DGKB: variants seen among roughly 807,000 people sequenced by gnomAD.
DGKB encodes 90 kDa diacylglycerol kinase.
In DGKB, 67 loss-of-function variants were observed where a neutral mutation model predicts 114.3. That is an observed-to-expected ratio of 0.59 (90% CI 0.48 to 0.72). DGKB has a LOEUF of 0.72. Ranked by LOEUF, DGKB falls within the 30% of genes least tolerant of loss-of-function variation. The pLI is 0.00. For missense variants in DGKB, 907 were observed against 975.2 expected (o/e 0.93, Z 0.93); for synonymous variants, 398 against 323.1 (o/e 1.23, Z -2.49).
chr7:14,573,926 C>T (rs913260140), intron 20 of DGKB, among the ~76,000 whole-genome samples: 1 of 151,994 alleles, frequency 6.6e-6, no homozygotes, highest in Non-Finnish European at 1.5e-5. Flanking sequence ...TCATTCTAAG[C>T]TTCATTTTAG....
chr7:14,337,550 T>G (rs549639183), intron 23 of DGKB, among the ~76,000 whole-genome samples: 1 of 152,222 alleles, frequency 6.6e-6, no homozygotes, highest in East Asian at 1.9e-4. Flanking sequence ...TACTGAAACT[T>G]GAACCAGGTA....
At chr7:14,513,596 C>T (rs1031520617) in intron 20 of DGKB, among the ~76,000 whole-genome samples, 3 of 152,028 alleles carry the variant, frequency 2.0e-5, no homozygotes, top group African/African-American at 7.2e-5. Flanking sequence ...TTTTTTAATA[C>T]ATCTATTGCA....
chr7:14,273,735 A>G (rs922119753), intron 23 of DGKB, among the ~76,000 whole-genome samples: 2 of 152,206 alleles, frequency 1.3e-5, no homozygotes, highest in South Asian at 4.1e-4. Context: ...GGTGTCTTCT[A>G]AAACTATACA....
At chr7:14,929,334 A>G (rs1369489051) in intron 1 of DGKB, among the ~76,000 whole-genome samples, 1 of 152,210 alleles carries the variant, frequency 6.6e-6, no homozygotes, top group South Asian at 2.1e-4. Flanking sequence ...GTTGTACTAA[A>G]GTACTTTCCC....
intron 1 of DGKB, among the ~76,000 whole-genome samples, chr7:14,919,095 A>ACACAC (rs1554345122): frequency 5.2e-5 from 6 of 114,916 alleles, no homozygotes; most frequent in East Asian, 6.3e-4. Context: ...CACACACACA[A>ACACAC]ACACACACAC....
chr7:14,154,079 T>C (rs1782612323), intron 25 of DGKB, among the ~76,000 whole-genome samples: 1 of 151,334 alleles, frequency 6.6e-6, no homozygotes, highest in Non-Finnish European at 1.5e-5. Flanking sequence ...GGATGACAGA[T>C]TTGCAAGAGA....
At chr7:14,280,046 A>T (rs4721318) in intron 23 of DGKB, among the ~76,000 whole-genome samples, 115,184 of 151,834 alleles carry the variant, frequency 0.76, 44,731 homozygotes, top group South Asian at 0.86. Flanking sequence ...AAGGCTTCAG[A>T]CGATCAAATT....
At chr7:14,797,062 T>C (rs1384244515) in intron 2 of DGKB, among the ~76,000 whole-genome samples, 1 of 152,220 alleles carries the variant, frequency 6.6e-6, no homozygotes, top group Non-Finnish European at 1.5e-5. Flanking sequence ...TGCTTACAAG[T>C]GCAACTTGAC....
At chr7:14,751,760 C>T (rs1351007026) in intron 4 of DGKB, among the ~76,000 whole-genome samples, 1 of 152,158 alleles carries the variant, frequency 6.6e-6, no homozygotes, top group East Asian at 1.9e-4. Flanking sequence ...ATGCAGAAGA[C>T]ATCAGAGTTA....
chr7:14,613,367 G>A lies in DGKB; in HGVS notation c.1331C>T (p.Pro444Leu). ...TTCTCCTTGTTTTCCACCACTTTTG[G>A]GGTTCACAAAAACTAAAAGTGGGTG... ...GTHPLLVFVN[P>L]KSGGKQGERI... Residue 444 changes from proline to leucine, a missense_variant, in exon 16 of 26, where the codon CCC becomes CTC. Physicochemically the swap from Pro to Leu is moderately conservative, Grantham distance 98. Coordinates refer to ENST00000402815, the MANE Select transcript of DGKB (RefSeq NM_001350709.2). 6.4e-7 allele frequency: 1 copy of A among 1,570,570 alleles called. No homozygotes were observed. Among genetic ancestry groups the A allele is most frequent in the Non-Finnish European group, 8.6e-7 (1 of 1,156,144 alleles).
At chr7:14,915,990 A>G (rs2128245286) in intron 1 of DGKB, among the ~76,000 whole-genome samples, 1 of 152,256 alleles carries the variant, frequency 6.6e-6, no homozygotes, top group African/African-American at 2.4e-5. Context: ...CATAATAAGA[A>G]TAATGTATGG....
chr7:14,696,041 C>T (rs1246400951), intron 8 of DGKB, among the ~76,000 whole-genome samples: 1 of 152,110 alleles, frequency 6.6e-6, no homozygotes, highest in Admixed American at 6.5e-5. Context: ...AATAATCTGA[C>T]AAATACACTA....
At chr7:14,530,756 T>C (rs1791452822) in intron 20 of DGKB, among the ~76,000 whole-genome samples, 2 of 151,560 alleles carry the variant, frequency 1.3e-5, no homozygotes, top group South Asian at 4.1e-4. Context: ...AGACTAAATC[T>C]TTCCTTTGTC....
At chr7:14,740,237 CTTT>C (rs58096142) in intron 4 of DGKB, among the ~76,000 whole-genome samples, 320 of 142,740 alleles carry the variant, frequency 2.2e-3, no homozygotes, top group Admixed American at 4.9e-3. Context: ...ACGCTTAAGC[CTTT>C]TTTTTTTTTT....
At chr7:14,694,691 A>C (rs967002372) in intron 8 of DGKB, among the ~76,000 whole-genome samples, 1 of 151,806 alleles carries the variant, frequency 6.6e-6, no homozygotes, top group African/African-American at 2.4e-5. Flanking sequence ...TTCGTTTCTA[A>C]AGATGACTTG....
chr7:14,885,099 A>G (rs890501593), intron 1 of DGKB, among the ~76,000 whole-genome samples: 1 of 151,910 alleles, frequency 6.6e-6, no homozygotes, highest in Non-Finnish European at 1.5e-5. Flanking sequence ...GAAAGCTCCT[A>G]TTTTTAAGAA....
intron 1 of DGKB, among the ~76,000 whole-genome samples, chr7:14,881,498 ATTCTTGCCATT>A (rs1562801745): frequency 6.6e-6 from 1 of 152,174 alleles, no homozygotes; most frequent in East Asian, 1.9e-4. Flanking sequence ...CCAAAAGAAC[ATTCTTGCCATT>A]TTCTCAAGAG....
chr7:14,606,207 T>A (rs920320176), intron 17 of DGKB, among the ~76,000 whole-genome samples: 2 of 152,098 alleles, frequency 1.3e-5, no homozygotes, highest in African/African-American at 2.4e-5. Flanking sequence ...CTTGGCTTTA[T>A]CTACTTGGGG....
At chr7:14,911,323 A>T (rs1783990058) in intron 1 of DGKB, among the ~76,000 whole-genome samples, 1 of 152,022 alleles carries the variant, frequency 6.6e-6, no homozygotes, top group African/African-American at 2.4e-5. Context: ...TAAATAATTG[A>T]TCTTAAGTTA....
Sources: gnomAD v4.1 joint callset for allele counts (sites outside exome capture counted in the v4.1 genomes callset) on GRCh38, gnomAD v4.1.1 for gene constraint, MANE v1.5 for transcripts, NCBI Gene and HGNC (gene_info 2026-07-23, HGNC 2026-07-21) for gene names.